LZTFL1: variants seen among roughly 807,000 people sequenced by gnomAD.
LZTFL1 encodes the protein leucine zipper transcription factor like 1.
LZTFL1 carries 25 observed loss-of-function variants against 45.9 expected under a neutral mutation model. That is an observed-to-expected ratio of 0.54 (90% confidence interval 0.40 to 0.76). The LOEUF (loss-of-function observed/expected upper bound fraction) is 0.76, where lower values mean the gene tolerates loss of function less well. Among genes scored for constraint, LZTFL1 ranks in the 30% least tolerant of loss-of-function variants. The pLI is 0.00. For synonymous variants in LZTFL1, 93 were observed against 117.4 expected (o/e 0.79, Z 1.35); for missense variants, 277 against 331.1 (o/e 0.84, Z 1.27).
chr3:45,844,953 T>C (rs1325065916), upstream of LZTFL1, among the ~76,000 whole-genome samples: 1 of 152,214 alleles, frequency 6.6e-6, no homozygotes, highest in African/African-American at 2.4e-5. Context: ...GCCCAAATGA[T>C]AGATTAGTTT....
chr3:45,842,470 G>A (rs965724694), upstream of LZTFL1, among the ~76,000 whole-genome samples: 1 of 150,924 alleles, frequency 6.6e-6, no homozygotes, highest in African/African-American at 2.5e-5. Context: ...CATAGGGCGC[G>A]GCCCAGACAT....
intron 1 of LZTFL1, among the ~76,000 whole-genome samples, chr3:45,913,962 T>C (rs1424441899): frequency 6.6e-6 from 1 of 152,184 alleles, no homozygotes; most frequent in South Asian, 2.1e-4. Context: ...TTGTAAACTA[T>C]TTTACCCTTA....
rs58937842 is a variant in LZTFL1, at chr3:45,867,147, C to CAAAA, written c.-214-8135_-214-8132dup. On this transcript the variant is annotated intron_variant, in intron 2 of 4. Transcript: ENST00000472635. ...TGGGTGACAGAGCAAGACTCAATCT[C>CAAAA]AAAAAAAAAAAAAAAAAAAAAAAAC... Among the ~76,000 whole-genome samples the CAAAA allele has an allele frequency of 4.9e-3, 310 of 63,244 alleles. 3 individuals carry two copies. Among genetic ancestry groups the CAAAA allele is most frequent in the Middle Eastern group, 9.1e-3 (1 of 110 alleles). The allele number at this position is 63,244 out of a possible 152,430, so 41.5% of individuals were successfully genotyped here.
intron 2 of LZTFL1, among the ~76,000 whole-genome samples, chr3:45,860,169 G>A (rs961851676): frequency 1.3e-5 from 2 of 152,046 alleles, no homozygotes; most frequent in African/African-American, 2.4e-5. Context: ...CCGAGATTGC[G>A]CCACTGCACT....
At chr3:45,868,789 C>T (rs1302198427) in intron 2 of LZTFL1, among the ~76,000 whole-genome samples, 1 of 152,182 alleles carries the variant, frequency 6.6e-6, no homozygotes, top group African/African-American at 2.4e-5. Context: ...TCTCATCAAG[C>T]CCTTATGGTC....
intron 2 of LZTFL1, among the ~76,000 whole-genome samples, chr3:45,875,828 C>T (rs1397769598): frequency 6.6e-6 from 1 of 152,056 alleles, no homozygotes. Flanking sequence ...TATTCTCTTA[C>T]TTTTTGGTTC....
chr3:45,834,244 G>C lies in LZTFL1; in HGVS notation c.378C>G (p.Asn126Lys). The change falls in exon 4 of 10, where the codon AAC (asparagine) becomes AAG (lysine). Residue 126 changes from asparagine (N) to lysine (K), a missense_variant. Physicochemically the swap from Asn to Lys is moderately conservative, Grantham distance 94. Transcript: ENST00000296135. ...AGAATGACCAAAAAGTTACCTTTTT[G>C]TTTGAAGATGTAATCTCTGCTTTTT... ...EFEKAEITSS[N>K]KKPILDVTKP... 1 of 1,587,262 alleles carries C rather than the reference G, an allele frequency of 6.3e-7. No individual in the cohort carries two copies. Among genetic ancestry groups the C allele is most frequent in the South Asian group, 1.1e-5 (1 of 89,634 alleles).
intron 2 of LZTFL1, among the ~76,000 whole-genome samples, chr3:45,910,591 G>A (rs936265559): frequency 6.6e-6 from 1 of 152,192 alleles, no homozygotes; most frequent in African/African-American, 2.4e-5. Context: ...AAATCAATGG[G>A]AAGTGAGGAT....
intron 2 of LZTFL1, among the ~76,000 whole-genome samples, chr3:45,861,417 A>G (rs1389529705): frequency 1.3e-5 from 2 of 152,128 alleles, no homozygotes; most frequent in African/African-American, 2.4e-5. Context: ...AGCCAGCCAA[A>G]TATACCTGCC....
chr3:45,895,222 T>C, intron 2 of LZTFL1: 1 of 530,206 alleles, frequency 1.9e-6, no homozygotes, highest in South Asian at 2.6e-5. Flanking sequence ...TAACCATCTT[T>C]AACTAGGGTG....
At chr3:45,870,144 G>C (rs919226154) in intron 2 of LZTFL1, among the ~76,000 whole-genome samples, 1 of 152,220 alleles carries the variant, frequency 6.6e-6, no homozygotes, top group Non-Finnish European at 1.5e-5. Context: ...AGCTCAGCCT[G>C]GCAGGAGGGG....
chr3:45,837,995 A>G lies in LZTFL1; in HGVS notation c.60T>C (p.Phe20=). Reference sequence around the variant, plus strand: ...GTCTCAAGCCTCTCTTTGAACGAGCAAAACGCATATAATTAATAACTTCAT... The same window carrying G: ...GTCTCAAGCCTCTCTTTGAACGAGCGAAACGCATATAATTAATAACTTCAT... ...HQNEVINYMR[F]ARSKRGLRLK... is the part of the protein sequence containing the mutation. Residue 20 remains phenylalanine, a synonymous_variant, in exon 2 of 10, where the codon TTT becomes TTC. Coordinates refer to ENST00000296135, the MANE Select transcript of LZTFL1 (RefSeq NM_020347.4). 1 of 1,613,718 alleles carries G rather than the reference A, an allele frequency of 6.2e-7. No individual in the cohort carries two copies. The highest frequency in any genetic ancestry group is 1.1e-5 in the South Asian group (1 of 90,938).
chr3:45,861,211 GAAAA>G (rs5848773), intron 2 of LZTFL1, among the ~76,000 whole-genome samples: 1 of 127,588 alleles, frequency 7.8e-6, no homozygotes, highest in African/African-American at 2.9e-5. Context: ...GAAGCAAAAC[GAAAA>G]AAAAAAAAAA....
At chr3:45,847,638 G>C (rs746181818) in intron 4 of LZTFL1, among the ~76,000 whole-genome samples, 2 of 152,236 alleles carry the variant, frequency 1.3e-5, no homozygotes, top group Non-Finnish European at 2.9e-5. Context: ...AACTAATCCA[G>C]AATAAGGGTG....
At chr3:45,893,090 C>T (rs1702238955) in intron 2 of LZTFL1, among the ~76,000 whole-genome samples, 2 of 152,140 alleles carry the variant, frequency 1.3e-5, no homozygotes, top group Non-Finnish European at 1.5e-5. Context: ...TTATCCCCCA[C>T]TGAGGTTTCC....
chr3:45,903,930 G>C (rs913580577), intron 2 of LZTFL1, among the ~76,000 whole-genome samples: 1 of 152,240 alleles, frequency 6.6e-6, no homozygotes, highest in Non-Finnish European at 1.5e-5. Context: ...AAAGATGCAT[G>C]AGCCACTTCT....
intron 2 of LZTFL1, among the ~76,000 whole-genome samples, chr3:45,881,653 G>A (rs1323360299): frequency 6.6e-6 from 1 of 152,204 alleles, no homozygotes; most frequent in Non-Finnish European, 1.5e-5. Flanking sequence ...CACGAAGAAT[G>A]TGTAAAAATA....
At chr3:45,902,182 A>C (rs1370153434) in intron 2 of LZTFL1, 2 of 317,424 alleles carry the variant, frequency 6.3e-6, no homozygotes, top group Non-Finnish European at 1.2e-5. Context: ...CACTCGCCGG[A>C]GCATCAATGC....
rs1575246769 is a variant in LZTFL1, at chr3:45,824,970, G to A, written c.*1344C>T. 1.1e-4 allele frequency: 45 copies of A among 398,134 alleles called. 1 individual carries two copies. In the East Asian group the frequency reaches 1.6e-3, roughly 14 times the overall value. 24.7% of individuals were successfully genotyped at this position (398,134 alleles called of 1,614,324 possible). On this transcript the variant is annotated 3_prime_UTR_variant, in exon 10 of 10. Coordinates refer to ENST00000296135, the MANE Select transcript of LZTFL1 (RefSeq NM_020347.4). ...CTCATCCATTCATCTTCTTAAGACTGCCTTCTGTGTCCTTTTGCAGGGAAA... is the reference window on the plus strand; with the variant it reads ...CTCATCCATTCATCTTCTTAAGACTACCTTCTGTGTCCTTTTGCAGGGAAA...
Sources: gnomAD v4.1 joint callset for allele counts (sites outside exome capture counted in the v4.1 genomes callset) on GRCh38, gnomAD v4.1.1 for gene constraint, MANE v1.5 for transcripts, NCBI Gene and HGNC (gene_info 2026-07-23, HGNC 2026-07-21) for gene names.